Variants in IL17RD observed in about 807,000 individuals in gnomAD.
IL17RD encodes interleukin-17 receptor D.
In IL17RD, 52 loss-of-function variants were observed where a neutral mutation model predicts 80.5. That is an observed-to-expected ratio of 0.65 (90% CI 0.52 to 0.81). The LOEUF is 0.81. IL17RD is among the 40% of genes least tolerant of loss of function. The pLI, the probability that IL17RD is intolerant of heterozygous loss-of-function variation, is 0.00. For synonymous variants in IL17RD, 416 were observed against 391.8 expected (o/e 1.06, Z -0.73); for missense variants, 1,024 against 955.1 (o/e 1.07, Z -0.95).
At position 57,105,366 on chromosome 3, in the gene IL17RD, G is replaced by A. The variant is rs1375487274; in HGVS notation, c.747+491C>T. 2.6e-5 allele frequency among the ~76,000 whole-genome samples: 4 copies of A among 151,080 alleles called. No individual in the cohort carries two copies. The East Asian group carries it at 5.8e-4, about 22-fold the overall frequency. The stretch of plus-strand genomic sequence containing the variant: ...CAGCCTGGGCAACATGGTGAACCCC[G>A]TCTCTACTAAAAATACAAAAATTAG... On this transcript the variant is annotated intron_variant, in intron 7 of 12. Coordinates refer to ENST00000296318, the MANE Select transcript of IL17RD (RefSeq NM_017563.5).
chr3:57,167,976 G>A (rs561587924), upstream of IL17RD, among the ~76,000 whole-genome samples: 44 of 152,080 alleles, frequency 2.9e-4, no homozygotes, highest in Admixed American at 8.5e-4. Context: ...GATTACAGGC[G>A]CGCAACACTG....
intron 1 of IL17RD, among the ~76,000 whole-genome samples, chr3:57,139,295 C>T (rs1707786752): frequency 6.6e-6 from 1 of 152,028 alleles, no homozygotes; most frequent in Non-Finnish European, 1.5e-5. Flanking sequence ...GAAATACAGT[C>T]AAAATAAAGA....
chr3:57,152,830 C>G (rs760046028), intron 1 of IL17RD, among the ~76,000 whole-genome samples: 11 of 152,068 alleles, frequency 7.2e-5, no homozygotes, highest in African/African-American at 2.7e-4. Flanking sequence ...TTGGAGGATA[C>G]GTTTTTAGTA....
At chr3:57,165,567 C>T (rs1579331301), upstream of IL17RD, among the ~76,000 whole-genome samples, 1 of 151,636 alleles carries the variant, frequency 6.6e-6, no homozygotes, top group Non-Finnish European at 1.5e-5. Flanking sequence ...TTTCTTCCCC[C>T]TCACTTAGTA....
At chr3:57,116,060 C>A (rs1707208372) in intron 2 of IL17RD, among the ~76,000 whole-genome samples, 1 of 152,100 alleles carries the variant, frequency 6.6e-6, no homozygotes, top group Non-Finnish European at 1.5e-5. Context: ...CTAATGAATA[C>A]CCTTCCAAGC....
chr3:57,095,245 C>T lies in IL17RD; in HGVS notation c.*1148G>A, dbSNP rs1706645769. Reference sequence around the variant, plus strand: ...GTTTCCACAGGGGAGACCAAGACAGCATTCATTACACACATGCTAATCATC... The same window carrying T: ...GTTTCCACAGGGGAGACCAAGACAGTATTCATTACACACATGCTAATCATC... On this transcript the variant is annotated 3_prime_UTR_variant, in exon 13 of 13. Coordinates refer to ENST00000296318, the MANE Select transcript of IL17RD (RefSeq NM_017563.5). The T allele has an allele frequency of 6.6e-6, 1 of 152,248 alleles. No individual in the cohort carries two copies. Among genetic ancestry groups the T allele is most frequent in the Non-Finnish European group, 1.5e-5 (1 of 68,062 alleles). 9.4% of individuals were successfully genotyped at this position (152,248 alleles called of 1,614,324 possible).
intron 1 of IL17RD, among the ~76,000 whole-genome samples, chr3:57,151,262 C>A (rs1300468665): frequency 1.3e-5 from 2 of 152,066 alleles, no homozygotes; most frequent in African/African-American, 4.8e-5. Flanking sequence ...CTTTTATTAA[C>A]CATAAATTTG....
At position 57,114,744 on chromosome 3, in the gene IL17RD, A is replaced by G. The variant is rs763187765; in HGVS notation, c.258T>C (p.Tyr86=). ...ADAQNITISQ[Y]ACHDQVAVTI... ...TGACTGCCACTTGGTCATGGCAAGC[A>G]TACTGGCTGATGGTGATATTCTGGG... The change falls in exon 3 of 13, where the codon TAT becomes TAC. Residue 86 remains tyrosine (Y), a synonymous_variant. Transcript: ENST00000296318. 1 of 1,612,812 alleles carries G rather than the reference A, an allele frequency of 6.2e-7. No individual in the cohort carries two copies. Among genetic ancestry groups the G allele is most frequent in the East Asian group, 2.2e-5 (1 of 44,816 alleles).
chr3:57,091,785 G>C lies in IL17RD; in HGVS notation c.*4608C>G, dbSNP rs1296469581. The stretch of plus-strand genomic sequence containing the variant: ...TATCTGATCAGCAGGGTAGGTTACA[G>C]AATCTCCTTCTTATAAAATAAAGAA... On this transcript the variant is annotated 3_prime_UTR_variant, in exon 13 of 13. Transcript: ENST00000296318. 1.3e-5 allele frequency: 2 copies of C among 152,188 alleles called. No homozygotes were observed. The highest frequency in any genetic ancestry group is 1.3e-4 in the Admixed American group (2 of 15,284). The allele number at this position is 152,188 out of a possible 1,614,324, so 9.4% of individuals were successfully genotyped here. A position where few individuals can be genotyped will look rare whatever the true frequency, so the allele number is the denominator to read the frequency against.
In IL17RD at chr3:57,120,277, T is replaced by C. The variant is rs1429459524; in HGVS notation, c.163A>G (p.Asn55Asp). The C allele has an allele frequency of 1.2e-6, 2 of 1,613,558 alleles. No homozygotes were observed. The highest frequency in any genetic ancestry group is 1.7e-6 in the Non-Finnish European group (2 of 1,179,572). The change falls in exon 2 of 13, where the codon AAC becomes GAC. Residue 55 changes from asparagine (N) to aspartate (D), a missense_variant. By Grantham distance (23) the Asn-to-Asp change is conservative. Coordinates refer to ENST00000296318, the MANE Select transcript of IL17RD (RefSeq NM_017563.5). ...TTACTGTCATATTTGAAGGTGATGT[T>C]GTACAGCCCACTGTTTCTGCTGGCT... ...GPASRNSGLY[N>D]ITFKYDNCTT... is the part of the protein sequence containing the mutation.
At chr3:57,134,531 CA>C in intron 1 of IL17RD, 3 of 1,362,910 alleles carry the variant, frequency 2.2e-6, no homozygotes, top group Non-Finnish European at 2.1e-6. Context: ...GGAATGTGTT[CA>C]AAAACAAGTG....
At chr3:57,154,929 CG>C (rs2060257434) in intron 1 of IL17RD, among the ~76,000 whole-genome samples, 1 of 152,084 alleles carries the variant, frequency 6.6e-6, no homozygotes, top group South Asian at 2.1e-4. Context: ...CAAAAAAGCC[CG>C]GGAAGTCACT....
intron 1 of IL17RD, among the ~76,000 whole-genome samples, chr3:57,132,479 A>C (rs1707632017): frequency 6.6e-6 from 1 of 152,104 alleles, no homozygotes; most frequent in Non-Finnish European, 1.5e-5. Context: ...AACAACAACA[A>C]AAACAAACAA....
intron 1 of IL17RD, among the ~76,000 whole-genome samples, chr3:57,120,930 C>T (rs552147926): frequency 6.6e-6 from 1 of 152,206 alleles, no homozygotes; most frequent in East Asian, 1.9e-4. Context: ...GTGATGTGGC[C>T]GTCAGCCATC....
chr3:57,123,757 C>T (rs1259353752), intron 1 of IL17RD, among the ~76,000 whole-genome samples: 2 of 152,128 alleles, frequency 1.3e-5, no homozygotes, highest in African/African-American at 2.4e-5. Context: ...TTTTAAAGAC[C>T]TTTTGGCTGC....
chr3:57,108,461 C>T (rs745525217), intron 5 of IL17RD, among the ~76,000 whole-genome samples: 6 of 147,190 alleles, frequency 4.1e-5, no homozygotes, highest in Non-Finnish European at 7.5e-5. Flanking sequence ...CATGAGCCAC[C>T]GAGCCAGGCC....
At chr3:57,158,153 T>C (rs906728034) in intron 1 of IL17RD, among the ~76,000 whole-genome samples, 2 of 152,230 alleles carry the variant, frequency 1.3e-5, no homozygotes, top group Admixed American at 1.3e-4. Context: ...AGTTGATACT[T>C]GAATTTTATA....
chr3:57,141,880 G>A (rs1489204798), intron 1 of IL17RD, among the ~76,000 whole-genome samples: 1 of 152,140 alleles, frequency 6.6e-6, no homozygotes, highest in Non-Finnish European at 1.5e-5. Context: ...CGCAGGCCTT[G>A]GGCTCTCAGA....
At chr3:57,135,889 G>GTATA in intron 1 of IL17RD, among the ~76,000 whole-genome samples, 1 of 151,944 alleles carries the variant, frequency 6.6e-6, no homozygotes, top group East Asian at 1.9e-4. Flanking sequence ...AAGAGGACAC[G>GTATA]GTGACAAGGC....
Sources: allele counts gnomAD v4.1 joint callset (sites outside exome capture counted in the v4.1 genomes callset), GRCh38; gene constraint gnomAD v4.1.1; transcripts MANE v1.5; gene names NCBI Gene and HGNC (gene_info 2026-07-23, HGNC 2026-07-21).